PIP5K1C: variants seen among roughly 807,000 people sequenced by gnomAD.
PIP5K1C encodes phosphatidylinositol-4-phosphate 5-kinase type 1 gamma.
In PIP5K1C, 45 loss-of-function variants were observed where a neutral mutation model predicts 80.1. The ratio of observed to expected loss-of-function variants is 0.56; its 90% confidence interval spans 0.44 to 0.72. PIP5K1C has a LOEUF of 0.72. Among genes scored for constraint, PIP5K1C ranks in the 30% least tolerant of loss-of-function variants. The probability of loss-of-function intolerance (pLI) is 0.00; values close to 1 mark genes in which losing one functional copy is unlikely to be tolerated. For synonymous variants in PIP5K1C, 498 were observed against 420.1 expected, an observed-to-expected ratio of 1.19 and a Z score of -2.27; for missense variants, 753 against 954.6, an observed-to-expected ratio of 0.79 and a Z score of 2.78.
chr19:3,661,314 A>G (rs1046461366), intron 4 of PIP5K1C, among the ~76,000 whole-genome samples: 1 of 106,042 alleles, frequency 9.4e-6, no homozygotes, highest in Non-Finnish European at 2.1e-5. Context: ...TTGGCCAGGC[A>G]CATGGCCGCC....
intron 11 of PIP5K1C, among the ~76,000 whole-genome samples, chr19:3,644,677 A>G (rs1177749376): frequency 6.6e-6 from 1 of 152,226 alleles, no homozygotes; most frequent in Non-Finnish European, 1.5e-5. Flanking sequence ...CCTGTGGCTC[A>G]GCATGTAGGG....
In PIP5K1C at chr19:3,637,318, T is replaced by C. The variant is rs2033729207; in HGVS notation, c.1920+1566A>G. On this transcript the variant is annotated intron_variant, in intron 16 of 17. Transcript: ENST00000335312. This position sits in a 1 kb window ranked among gnomAD's most constrained non-coding sequence, Gnocchi z 7.0. ...TGGTGCTGCCCTATGGAGCGCCCGG[T>C]TCGACGTGGGACCGAATGACATTCC... The C allele has an allele frequency of 6.6e-7, 1 of 1,525,698 alleles. No homozygotes were observed. The highest frequency in any genetic ancestry group is 1.4e-5 in the African/African-American group (1 of 72,924). 94.5% of individuals were successfully genotyped at this position (1,525,698 alleles called of 1,614,324 possible).
rs567295589 is a variant in PIP5K1C, at chr19:3,632,889, C to T, written c.*278G>A. On this transcript the variant is annotated 3_prime_UTR_variant, in exon 18 of 18. Transcript: ENST00000335312. Reference sequence around the variant, plus strand: ...TGTTCTTTTCCTAAAACGGCACACACGTGCTTCCGTCTCTGTGCCAAATAA... The same window carrying T: ...TGTTCTTTTCCTAAAACGGCACACATGTGCTTCCGTCTCTGTGCCAAATAA... 6.4e-5 allele frequency: 32 copies of T among 497,684 alleles called. No individual in the cohort carries two copies. The highest frequency in any genetic ancestry group is 1.2e-4 in the African/African-American group (6 of 49,132). 30.8% of individuals were successfully genotyped at this position (497,684 alleles called of 1,614,324 possible). A position where few individuals can be genotyped will look rare whatever the true frequency, so the allele number is the denominator to read the frequency against.
chr19:3,675,286 C>T (rs1194209960), intron 1 of PIP5K1C, among the ~76,000 whole-genome samples: 1 of 152,132 alleles, frequency 6.6e-6, no homozygotes, highest in African/African-American at 2.4e-5. Flanking sequence ...GATGCAGATC[C>T]CTTTAGTTGC....
In PIP5K1C at chr19:3,669,135, G is replaced by C. The variant is rs2035117701; in HGVS notation, c.95-1782C>G. Among the ~76,000 whole-genome samples, 5 of 152,308 alleles carry C rather than the reference G, an allele frequency of 3.3e-5. No individual in the cohort carries two copies. In the South Asian group the frequency reaches 8.3e-4, roughly 25 times the overall value. ...GGAAGAGGCTGAGGGTTGGGGAAGG[G>C]AGGGCTGGCTGAGGTCTGGCAGCTG... On this transcript the variant is annotated intron_variant, in intron 1 of 17. Coordinates refer to ENST00000335312, the MANE Select transcript of PIP5K1C (RefSeq NM_012398.3).
At chr19:3,656,329 G>A (rs2034631422) in intron 6 of PIP5K1C, 76 bp downstream of exon 6, 2 of 1,550,146 alleles carry the variant, frequency 1.3e-6, no homozygotes. Context: ...CCCAAGCCTT[G>A]CAGACATCTG....
intron 3 of PIP5K1C, among the ~76,000 whole-genome samples, chr19:3,663,224 G>A (rs1040832513): frequency 1.2e-4 from 18 of 151,086 alleles, no homozygotes; most frequent in Admixed American, 2.6e-4. Flanking sequence ...GTGCTCTCGC[G>A]CCATGTTCAC....
intron 1 of PIP5K1C, among the ~76,000 whole-genome samples, chr19:3,690,651 T>C (rs2035919914): frequency 6.6e-6 from 1 of 151,988 alleles, no homozygotes; most frequent in African/African-American, 2.4e-5. Flanking sequence ...AACCCCAAAA[T>C]ACCTGCCAGA....
At chr19:3,683,891 A>G (rs10407632) in intron 1 of PIP5K1C, among the ~76,000 whole-genome samples, 47,974 of 90,656 alleles carry the variant, frequency 0.53, 10,071 homozygotes, top group African/African-American at 0.65. Context: ...CCTCCCCCAC[A>G]CTGGAGCCCC....
At chr19:3,693,797 C>T (rs565533535) in intron 1 of PIP5K1C, among the ~76,000 whole-genome samples, 136 of 152,272 alleles carry the variant, frequency 8.9e-4, no homozygotes, top group African/African-American at 2.2e-3. Flanking sequence ...ACCATGGGGG[C>T]GCATGCCTGT....
At chr19:3,658,778 G>A (rs755968912) in intron 5 of PIP5K1C, among the ~76,000 whole-genome samples, 5 of 152,242 alleles carry the variant, frequency 3.3e-5, no homozygotes, top group Non-Finnish European at 7.3e-5. Context: ...AAAGAACACC[G>A]ATGACAGGGA....
At position 3,695,729 on chromosome 19, in the gene PIP5K1C, CT is replaced by C. The variant is rs35334182; in HGVS notation, c.94+4567del. Among the ~76,000 whole-genome samples, 1,077 of 130,940 alleles carry C rather than the reference CT, an allele frequency of 8.2e-3. 2 individuals carry two copies. Among genetic ancestry groups the C allele is most frequent in the Non-Finnish European group, 0.011 (660 of 62,376 alleles). 85.9% of individuals were successfully genotyped at this position (130,940 alleles called of 152,430 possible). A position where few individuals can be genotyped will look rare whatever the true frequency, so the allele number is the denominator to read the frequency against. ...AAGAGACACCACAATCCCACTGACC[CT>C]TTTTTTTTTTTTTTTTTGAGATACG... On this transcript the variant is annotated intron_variant, in intron 1 of 17. Transcript: ENST00000335312.
rs377393922 is a variant in PIP5K1C at position 3,648,602 on chromosome 19, G to C, written c.1211+23C>G. 18 of 1,604,560 alleles carry C rather than the reference G, an allele frequency of 1.1e-5. No homozygotes were observed. The East Asian group carries it at 4.0e-4, about 36-fold the overall frequency. On this transcript the variant is annotated intron_variant, in intron 9 of 17. Transcript: ENST00000335312. This position sits in a 1 kb window ranked among gnomAD's most constrained non-coding sequence, Gnocchi z 4.3. The stretch of plus-strand genomic sequence containing the variant: ...TGCAGACCCGGGGCGTCCACCTGTA[G>C]GACTGCAGACCCGGGCACCCACCTG...
chr19:3,690,482 TAA>T (rs370234161), intron 1 of PIP5K1C, among the ~76,000 whole-genome samples: 39 of 137,010 alleles, frequency 2.8e-4, no homozygotes, highest in Middle Eastern at 7.1e-3. Flanking sequence ...GACCCTGTCT[TAA>T]AAAAAAAAAA....
intron 1 of PIP5K1C, among the ~76,000 whole-genome samples, chr19:3,689,419 G>A (rs2035876328): frequency 6.6e-6 from 1 of 152,064 alleles, no homozygotes; most frequent in Non-Finnish European, 1.5e-5. Flanking sequence ...GGGAGGCTGA[G>A]GTGGCTGGAT....
chr19:3,689,546 G>A (rs2145604998), intron 1 of PIP5K1C, among the ~76,000 whole-genome samples: 1 of 152,310 alleles, frequency 6.6e-6, no homozygotes, highest in Middle Eastern at 3.4e-3. Context: ...CTACTTGGGA[G>A]GCTGAGGCAG....
chr19:3,671,218 C>T (rs1212586089), intron 1 of PIP5K1C, among the ~76,000 whole-genome samples: 1 of 152,216 alleles, frequency 6.6e-6, no homozygotes, highest in Non-Finnish European at 1.5e-5. Context: ...CCCCCCACAC[C>T]CACTTGGGTG....
chr19:3,665,560 G>A lies in PIP5K1C; in HGVS notation c.127-646C>T, dbSNP rs148280830. Among the ~76,000 whole-genome samples the A allele has an allele frequency of 4.8e-3, 734 of 152,272 alleles. 3 individuals are homozygous for A. The highest frequency in any genetic ancestry group is 7.1e-3 in the African/African-American group (295 of 41,554). Reference sequence around the variant, plus strand: ...CCTCAGAGCATCTCACCCACCGCCTGAGGTGGTGGTGGGAGTCGTAACTCC... The same window carrying A: ...CCTCAGAGCATCTCACCCACCGCCTAAGGTGGTGGTGGGAGTCGTAACTCC... On this transcript the variant is annotated intron_variant, in intron 2 of 17. Transcript: ENST00000335312.
At chr19:3,674,645 C>G (rs1171290908) in intron 1 of PIP5K1C, among the ~76,000 whole-genome samples, 1 of 152,232 alleles carries the variant, frequency 6.6e-6, no homozygotes, top group Non-Finnish European at 1.5e-5. Context: ...GCTGGGACTA[C>G]AGGCACGCAC....
Sources: allele counts gnomAD v4.1 joint callset (sites outside exome capture counted in the v4.1 genomes callset), GRCh38; gene constraint gnomAD v4.1.1; non-coding constraint Gnocchi (gnomAD v3.1); transcripts MANE v1.5; gene names NCBI Gene and HGNC (gene_info 2026-07-23, HGNC 2026-07-21).